The following SND1 variants were observed in gnomAD, a reference collection of about 807,000 sequenced individuals.
The protein encoded by SND1 is staphylococcal nuclease domain-containing protein 1.
Under a neutral mutation model 121.7 loss-of-function variants are expected in SND1, and 38 were observed. The ratio of observed to expected loss-of-function variants is 0.31; its 90% confidence interval spans 0.24 to 0.41. The LOEUF (loss-of-function observed/expected upper bound fraction) is 0.41, where lower values mean the gene tolerates loss of function less well. Among genes scored for constraint, SND1 ranks in the 10% least tolerant of loss-of-function variants. SND1 has a pLI of 1.00. For missense variants in SND1, 868 were observed against 1,184.6 expected, an observed-to-expected ratio of 0.73 and a Z score of 3.92; for synonymous variants, 401 against 447.4, an observed-to-expected ratio of 0.90 and a Z score of 1.31.
intron 10 of SND1, among the ~76,000 whole-genome samples, chr7:127,802,159 TC>T (rs962806503): frequency 4.6e-5 from 7 of 151,872 alleles, no homozygotes; most frequent in African/African-American, 1.7e-4. Flanking sequence ...AACTTTTTAC[TC>T]CCCCCAAAAT....
At chr7:128,049,837 G>A (rs545370987) in intron 16 of SND1, among the ~76,000 whole-genome samples, 13 of 152,270 alleles carry the variant, frequency 8.5e-5, no homozygotes, top group Admixed American at 3.3e-4. Flanking sequence ...GAGGTCCAGG[G>A]TACAGTGGAT....
rs80254591 is a variant in SND1, at chr7:127,853,217, C to T, written c.1343+8793C>T. 1.3e-3 allele frequency among the ~76,000 whole-genome samples: 204 copies of T among 152,214 alleles called. 1 individual carries two copies. The East Asian group carries it at 0.038, about 28-fold the overall frequency. ...TCCAGGATTATTTTGCAAGTGGGGG[C>T]TCGGGGTTGACTGGGATGTGCTTTG... On this transcript the variant is annotated intron_variant, in intron 12 of 23. Coordinates refer to ENST00000354725, the MANE Select transcript of SND1 (RefSeq NM_014390.4).
intron 15 of SND1, 97 bp downstream of exon 15, chr7:127,929,426 C>G: frequency 4.9e-6 from 6 of 1,219,672 alleles, no homozygotes; most frequent in Non-Finnish European, 7.1e-6. Context: ...GGCCCTAGAG[C>G]CCACCAGCAT....
At position 127,702,542 on chromosome 7, in the gene SND1, T is replaced by G. The variant is rs1225413202; in HGVS notation, c.681+16T>G. The G allele has an allele frequency of 6.2e-7, 1 of 1,605,384 alleles. No individual in the cohort carries two copies. Among genetic ancestry groups the G allele is most frequent in the Non-Finnish European group, 8.5e-7 (1 of 1,172,048 alleles). ...AGGCATCAAGGTCAGACCATACTCTTGGCTACGTGGTGGGTTTAGAGTGTG... is the reference window on the plus strand; with the variant it reads ...AGGCATCAAGGTCAGACCATACTCTGGGCTACGTGGTGGGTTTAGAGTGTG... On this transcript the variant is annotated intron_variant, in intron 6 of 23. Coordinates refer to ENST00000354725, the MANE Select transcript of SND1 (RefSeq NM_014390.4).
intron 10 of SND1, among the ~76,000 whole-genome samples, chr7:127,746,405 C>T (rs1796984053): frequency 1.3e-5 from 2 of 152,298 alleles, no homozygotes; most frequent in Non-Finnish European, 2.9e-5. Context: ...TGTGTCCTTA[C>T]ATTCATTTCC....
intron 13 of SND1, among the ~76,000 whole-genome samples, chr7:127,894,271 A>G (rs1800073710): frequency 6.6e-6 from 1 of 152,060 alleles, no homozygotes; most frequent in Non-Finnish European, 1.5e-5. Flanking sequence ...CTGGGAAGGA[A>G]ATGCTCTTGG....
At chr7:127,923,610 G>A (rs749803076) in intron 14 of SND1, among the ~76,000 whole-genome samples, 2 of 152,194 alleles carry the variant, frequency 1.3e-5, no homozygotes, top group Non-Finnish European at 2.9e-5. Flanking sequence ...CTCATTCTGT[G>A]AATTAAAATG....
chr7:127,831,414 A>G (rs1798736404), intron 11 of SND1, among the ~76,000 whole-genome samples: 1 of 152,240 alleles, frequency 6.6e-6, no homozygotes, highest in South Asian at 2.1e-4. Context: ...GCATGCCAAA[A>G]TGCAGTTCCT....
At chr7:127,796,914 A>G (rs1345258019) in intron 10 of SND1, among the ~76,000 whole-genome samples, 3 of 53,974 alleles carry the variant, frequency 5.6e-5, no homozygotes, top group Admixed American at 2.2e-4. Flanking sequence ...TTTTTTTGCT[A>G]TTGAGTCTCT....
intron 14 of SND1, among the ~76,000 whole-genome samples, chr7:127,924,031 G>T (rs1800780880): frequency 6.6e-6 from 1 of 150,524 alleles, no homozygotes; most frequent in Non-Finnish European, 1.5e-5. Flanking sequence ...CAAGGATTTT[G>T]CTACTTTAGA....
intron 11 of SND1, among the ~76,000 whole-genome samples, chr7:127,816,600 A>G (rs1798445955): frequency 6.6e-6 from 1 of 150,888 alleles, no homozygotes; most frequent in Non-Finnish European, 1.5e-5. Flanking sequence ...AACACTTGCT[A>G]TGTTAAGAAG....
At chr7:127,775,034 A>T (rs539820263) in intron 10 of SND1, among the ~76,000 whole-genome samples, 1 of 152,336 alleles carries the variant, frequency 6.6e-6, no homozygotes, top group East Asian at 1.9e-4. Context: ...AATGGGCCCT[A>T]AATCCAGTGG....
At chr7:127,772,220 G>T (rs866682138) in intron 10 of SND1, among the ~76,000 whole-genome samples, 5 of 152,264 alleles carry the variant, frequency 3.3e-5, no homozygotes, top group Middle Eastern at 3.4e-3. Flanking sequence ...CTTAGACCTG[G>T]AGGAGACTCT....
intron 10 of SND1, among the ~76,000 whole-genome samples, chr7:127,752,505 T>G (rs1320223290): frequency 6.6e-6 from 1 of 152,256 alleles, no homozygotes; most frequent in African/African-American, 2.4e-5. Flanking sequence ...GTGGTAGTGC[T>G]GGAATTTTAG....
intron 10 of SND1, among the ~76,000 whole-genome samples, chr7:127,769,469 C>T (rs1392474570): frequency 6.6e-6 from 1 of 152,178 alleles, no homozygotes; most frequent in Non-Finnish European, 1.5e-5. Context: ...GAGGACTGAA[C>T]TTAAATTGCT....
At chr7:127,720,432 G>C (rs1317895217) in intron 9 of SND1, among the ~76,000 whole-genome samples, 1 of 152,130 alleles carries the variant, frequency 6.6e-6, no homozygotes, top group African/African-American at 2.4e-5. Flanking sequence ...AATATAATTG[G>C]GCAAATTGTA....
intron 15 of SND1, among the ~76,000 whole-genome samples, chr7:127,932,932 C>T (rs1343348267): frequency 6.6e-6 from 1 of 152,202 alleles, no homozygotes; most frequent in African/African-American, 2.4e-5. Flanking sequence ...TGGAACTAAA[C>T]TTGCAGTATC....
intron 9 of SND1, among the ~76,000 whole-genome samples, chr7:127,709,346 C>T (rs993357407): frequency 6.6e-6 from 1 of 152,146 alleles, no homozygotes; most frequent in Non-Finnish European, 1.5e-5. Context: ...CAATTTTTCG[C>T]CATCTTCACT....
chr7:128,091,615 G>A (rs540288104), intron 22 of SND1, among the ~76,000 whole-genome samples: 2 of 152,310 alleles, frequency 1.3e-5, no homozygotes, highest in East Asian at 3.9e-4. Flanking sequence ...GTGACCAGAG[G>A]AGCGTTCCAG....
Sources: gnomAD v4.1 joint callset for allele counts (sites outside exome capture counted in the v4.1 genomes callset) on GRCh38, gnomAD v4.1.1 for gene constraint, MANE v1.5 for transcripts, NCBI Gene and HGNC (gene_info 2026-07-23, HGNC 2026-07-21) for gene names.